The following ARL15 variants were observed in gnomAD, a reference collection of about 807,000 sequenced individuals.
ARL15 encodes ARF like GTPase 15, also known as ADP-ribosylation factor-like protein 15.
Under a neutral mutation model 25.2 loss-of-function variants are expected in ARL15, and 19 were observed. That is an observed-to-expected ratio of 0.75 (90% CI 0.53 to 1.10). The LOEUF is 1.10. Among genes scored for constraint, ARL15 ranks in the 50% least tolerant of loss-of-function variants. ARL15 has a pLI of 0.00. For synonymous variants in ARL15, 94 were observed against 86.8 expected, an observed-to-expected ratio of 1.08 and a Z score of -0.46; for missense variants, 220 against 246.0, an observed-to-expected ratio of 0.89 and a Z score of 0.71.
chr5:54,205,909 CTG>C (rs1257292621), intron 1 of ARL15, among the ~76,000 whole-genome samples: 5 of 152,152 alleles, frequency 3.3e-5, no homozygotes, highest in Non-Finnish European at 7.4e-5. Context: ...GACATGAACA[CTG>C]TTTAATACTT....
chr5:54,241,734 C>G (rs1283048035), intron 1 of ARL15, among the ~76,000 whole-genome samples: 1 of 151,998 alleles, frequency 6.6e-6, no homozygotes, highest in African/African-American at 2.4e-5. Context: ...GTAGCAAGCA[C>G]CTAAGGTTTA....
chr5:54,168,932 T>C (rs2112393073), intron 2 of ARL15, among the ~76,000 whole-genome samples: 1 of 152,196 alleles, frequency 6.6e-6, no homozygotes, highest in East Asian at 1.9e-4. Context: ...ACACAACTTA[T>C]CTTCCTAACC....
intron 4 of ARL15, among the ~76,000 whole-genome samples, chr5:54,085,588 T>G (rs993732686): frequency 1.3e-5 from 2 of 152,194 alleles, no homozygotes; most frequent in African/African-American, 4.8e-5. Flanking sequence ...CAAATATTTT[T>G]ATTAGTATTG....
intron 4 of ARL15, among the ~76,000 whole-genome samples, chr5:53,893,468 CGT>C (rs1744783171): frequency 6.6e-6 from 1 of 151,978 alleles, no homozygotes; most frequent in African/African-American, 2.4e-5. Flanking sequence ...ATTAGCAGGG[CGT>C]GGTGGTGGGC....
chr5:54,256,413 T>TAAA lies in ARL15; in HGVS notation c.48+54016_48+54018dup, dbSNP rs35505658. ...TACACACAGCAAGATCGAATCAGTTTAAAAAAAAAAAAAAAAAAAAGCCAA... is the reference window on the plus strand; with the variant it reads ...TACACACAGCAAGATCGAATCAGTTTAAAAAAAAAAAAAAAAAAAAAAAGCCAA... On this transcript the variant is annotated intron_variant, in intron 1 of 4. Transcript: ENST00000504924. Among the ~76,000 whole-genome samples the TAAA allele has an allele frequency of 5.8e-3, 574 of 99,416 alleles. 6 individuals carry two copies. The highest frequency in any genetic ancestry group is 0.02 in the African/African-American group (528 of 26,344). The allele number at this position is 99,416 out of a possible 152,430, so 65.2% of individuals were successfully genotyped here.
intron 3 of ARL15, among the ~76,000 whole-genome samples, chr5:54,115,301 GT>G (rs1752864212): frequency 1.3e-5 from 2 of 152,160 alleles, no homozygotes; most frequent in South Asian, 4.2e-4. Context: ...TTCATCCAAA[GT>G]GGGGCAATTC....
rs112836146 is a variant in ARL15, at chr5:54,291,725, T to A, written c.48+18707A>T. On this transcript the variant is annotated intron_variant, in intron 1 of 4. Coordinates refer to ENST00000504924, the MANE Select transcript of ARL15 (RefSeq NM_019087.3). Reference sequence around the variant, plus strand: ...ACAGGCCCCACTAGTTCCCATCTGATCCCTGTATAATCCATCTTCCATTCA... The same window carrying A: ...ACAGGCCCCACTAGTTCCCATCTGAACCCTGTATAATCCATCTTCCATTCA... 3.8e-3 allele frequency among the ~76,000 whole-genome samples: 583 copies of A among 152,258 alleles called. 3 individuals carry two copies. The highest frequency in any genetic ancestry group is 0.014 in the African/African-American group (564 of 41,530).
chr5:54,033,467 A>G (rs530733223), intron 4 of ARL15, among the ~76,000 whole-genome samples: 2 of 152,212 alleles, frequency 1.3e-5, no homozygotes, highest in East Asian at 3.9e-4. Context: ...CAAGAGTTCG[A>G]GACCAGCCTG....
chr5:54,053,527 T>A (rs755899137), intron 4 of ARL15, among the ~76,000 whole-genome samples: 4 of 149,070 alleles, frequency 2.7e-5, no homozygotes, highest in Non-Finnish European at 4.5e-5. Context: ...GGCTCTAGAG[T>A]GGAAAAAGTG....
rs377597465 is a variant in ARL15, at chr5:54,156,959, A to T, written c.194-2320T>A. 1.1e-3 allele frequency among the ~76,000 whole-genome samples: 168 copies of T among 152,334 alleles called. 1 individual carries two copies. In the South Asian group the frequency reaches 0.018, roughly 16 times the overall value. On this transcript the variant is annotated intron_variant, in intron 2 of 4. Coordinates refer to ENST00000504924, the MANE Select transcript of ARL15 (RefSeq NM_019087.3). ...GCTGGCACAGAAATTCACCTGCAGG[A>T]GACTTGGATGCCTGAATGTATCTAC... is the stretch of plus-strand genomic sequence containing the variant.
At chr5:54,214,055 T>C (rs533373702) in intron 1 of ARL15, among the ~76,000 whole-genome samples, 7 of 151,576 alleles carry the variant, frequency 4.6e-5, no homozygotes, top group East Asian at 3.9e-4. Context: ...GATTACTGTA[T>C]GGCAAGAGCA....
chr5:54,278,170 A>G (rs1308028152), intron 1 of ARL15, among the ~76,000 whole-genome samples: 4 of 152,116 alleles, frequency 2.6e-5, no homozygotes, highest in African/African-American at 9.7e-5. Flanking sequence ...ATAGTTCCCA[A>G]CGCAGGGAAG....
At chr5:54,239,370 AC>A (rs532592848) in intron 1 of ARL15, among the ~76,000 whole-genome samples, 175 of 152,112 alleles carry the variant, frequency 1.2e-3, no homozygotes, top group African/African-American at 4.0e-3. Context: ...ACTCTTTTCC[AC>A]CCCCCAATTG....
At chr5:54,276,917 C>G (rs1757943634) in intron 1 of ARL15, among the ~76,000 whole-genome samples, 1 of 152,214 alleles carries the variant, frequency 6.6e-6, no homozygotes, top group East Asian at 1.9e-4. Context: ...AGAAAGAACA[C>G]AGCTCTGCCA....
At chr5:53,969,190 C>T (rs979881336) in intron 4 of ARL15, among the ~76,000 whole-genome samples, 2 of 152,058 alleles carry the variant, frequency 1.3e-5, no homozygotes, top group Non-Finnish European at 2.9e-5. Context: ...AGAAAAGGCA[C>T]ATACATGCTA....
chr5:53,892,463 C>T (rs1207835032), intron 4 of ARL15, among the ~76,000 whole-genome samples: 1 of 152,174 alleles, frequency 6.6e-6, no homozygotes, highest in Non-Finnish European at 1.5e-5. Context: ...TCTTGAACCA[C>T]GTGCAGCTAT....
intron 1 of ARL15, among the ~76,000 whole-genome samples, chr5:54,191,288 G>C (rs1755392631): frequency 6.6e-6 from 1 of 152,096 alleles, no homozygotes; most frequent in African/African-American, 2.4e-5. Flanking sequence ...ATGTAGAATG[G>C]TAGTTACCAG....
At chr5:54,026,375 C>T (rs1224259628) in intron 4 of ARL15, among the ~76,000 whole-genome samples, 1 of 152,106 alleles carries the variant, frequency 6.6e-6, no homozygotes, top group Non-Finnish European at 1.5e-5. Flanking sequence ...CTCAGGTGAT[C>T]CTCCCAACTC....
intron 1 of ARL15, among the ~76,000 whole-genome samples, chr5:54,268,047 A>T (rs1004127945): frequency 2.0e-5 from 3 of 151,722 alleles, no homozygotes; most frequent in Admixed American, 6.6e-5. Context: ...CTCCTGGATA[A>T]TATCCTGCAG....
Sources: allele counts gnomAD v4.1 joint callset (sites outside exome capture counted in the v4.1 genomes callset), GRCh38; gene constraint gnomAD v4.1.1; transcripts MANE v1.5; gene names NCBI Gene and HGNC (gene_info 2026-07-23, HGNC 2026-07-21).